Variants in CACNG1 observed in about 807,000 individuals in gnomAD.
CACNG1 encodes the protein calcium voltage-gated channel auxiliary subunit gamma 1.
In CACNG1, 21 loss-of-function variants were observed where a neutral mutation model predicts 22.0. The observed-to-expected ratio is 0.95, with a 90% CI of 0.68 to 1.37. The LOEUF is 1.37. CACNG1 is among the 40% of genes most tolerant of loss of function. CACNG1 has a pLI of 0.00. For synonymous variants in CACNG1, 127 were observed against 129.2 expected (o/e 0.98, Z 0.12); for missense variants, 291 against 308.6 (o/e 0.94, Z 0.43).
At chr17:67,053,272 C>T (rs549056187) in intron 1 of CACNG1, among the ~76,000 whole-genome samples, 76 of 152,332 alleles carry the variant, frequency 5.0e-4, no homozygotes, top group African/African-American at 1.8e-3. Context: ...GGAAAAAGCC[C>T]TTTGCAGGGC....
rs544776088 is a variant in CACNG1, at chr17:67,054,779, GAC to G, written c.305-316_305-315del. Among the ~76,000 whole-genome samples the G allele has an allele frequency of 7.3e-4, 109 of 149,406 alleles. No homozygotes were observed. The highest frequency in any genetic ancestry group is 2.4e-3 in the African/African-American group (97 of 40,422). ...GATGACACACAAAATGACACACAGT[GAC>G]ACACACAGACACACACTGACACACA... is the stretch of plus-strand genomic sequence containing the variant. On this transcript the variant is annotated intron_variant, in intron 2 of 3. Coordinates refer to ENST00000226021, the MANE Select transcript of CACNG1 (RefSeq NM_000727.4). The surrounding 1 kb of genome is among the most constrained non-coding windows in gnomAD (Gnocchi z 4.6).
At chr17:67,053,969 A>G in intron 1 of CACNG1, 27 bp from the exon 2 acceptor site, 2 of 1,597,586 alleles carry the variant, frequency 1.3e-6, no homozygotes, top group East Asian at 2.2e-5. Flanking sequence ...GCTCCCCTCA[A>G]CTCACAGTCT....
rs1282844368 is a variant in CACNG1 at position 67,054,313 on chromosome 17, C to A, written c.304+243C>A. Among the ~76,000 whole-genome samples the A allele has an allele frequency of 6.6e-6, 1 of 152,184 alleles. No individual in the cohort carries two copies. The highest frequency in any genetic ancestry group is 1.5e-5 in the Non-Finnish European group (1 of 68,036). ...CAGGGAGCGTTTGCAGAAGCAGCACCTCCTGGTAGGCCCCTACACAAGGGC... is the reference window on the plus strand; with the variant it reads ...CAGGGAGCGTTTGCAGAAGCAGCACATCCTGGTAGGCCCCTACACAAGGGC... On this transcript the variant is annotated intron_variant, in intron 2 of 3. Coordinates refer to ENST00000226021, the MANE Select transcript of CACNG1 (RefSeq NM_000727.4). The surrounding 1 kb of genome is among the most constrained non-coding windows in gnomAD (Gnocchi z 4.6).
chr17:67,044,862 A>G lies in CACNG1; in HGVS notation c.202A>G (p.Thr68Ala), dbSNP rs1294475480. Residue 68 changes from threonine (T) to alanine (A), a missense_variant, in exon 1 of 4, where the codon ACC becomes GCC. Coordinates refer to ENST00000226021, the MANE Select transcript of CACNG1 (RefSeq NM_000727.4). The surrounding 1 kb of genome is among the most constrained non-coding windows in gnomAD (Gnocchi z 6.9). ...GCGCATCCCCATGGACGACAGCAAG[A>G]CCTGCGGGCCCATCACCCTGCCCGG... ...TKRIPMDDSKTCGPITLPGEK... is the reference protein window; with the variant it reads ...TKRIPMDDSKACGPITLPGEK... The G allele has an allele frequency of 6.2e-7, 1 of 1,612,982 alleles. No individual in the cohort carries two copies. The highest frequency in any genetic ancestry group is 1.1e-5 in the South Asian group (1 of 91,072).
In CACNG1 at chr17:67,044,798, C is replaced by G. The variant is rs140686694; in HGVS notation, c.138C>G (p.Cys46Trp). The change falls in exon 1 of 4, where the codon TGC becomes TGG. Residue 46 changes from cysteine to tryptophan, a missense_variant. Transcript: ENST00000226021. This position sits in a 1 kb window ranked among gnomAD's most constrained non-coding sequence, Gnocchi z 6.9. ...ACATGGAGCACCACAACACTACCTG[C>G]GAGGCGGCCCACTTCGGCCTCTGGC... The part of the protein sequence containing the change: ...SPHMEHHNTT[C>W]EAAHFGLWRI... 6.2e-7 allele frequency: 1 copy of G among 1,613,306 alleles called. No homozygotes were observed. The highest frequency in any genetic ancestry group is 8.5e-7 in the Non-Finnish European group (1 of 1,180,036).
intron 1 of CACNG1, among the ~76,000 whole-genome samples, 192 bp from the exon 2 acceptor site, chr17:67,053,804 C>T (rs1183567766): frequency 1.3e-5 from 2 of 152,204 alleles, no homozygotes; most frequent in African/African-American, 2.4e-5. Flanking sequence ...CTGCAGGCAA[C>T]CTCATTATCC....
intron 1 of CACNG1, among the ~76,000 whole-genome samples, chr17:67,045,617 G>C (rs898206009): frequency 6.6e-6 from 1 of 150,432 alleles, no homozygotes; most frequent in Non-Finnish European, 1.5e-5. Flanking sequence ...CTGCCTCCTG[G>C]ACTCAAGCGA....
At position 67,044,912 on chromosome 17, in the gene CACNG1, C is replaced by A; in HGVS notation, c.229+23C>A. 1 of 1,566,406 alleles carries A rather than the reference C, an allele frequency of 6.4e-7. No homozygotes were observed. The highest frequency in any genetic ancestry group is 2.3e-5 in the East Asian group (1 of 43,978). On this transcript the variant is annotated intron_variant, in intron 1 of 3. Coordinates refer to ENST00000226021, the MANE Select transcript of CACNG1 (RefSeq NM_000727.4). The surrounding 1 kb of genome is among the most constrained non-coding windows in gnomAD (Gnocchi z 6.9). ...GGGGTAACGTACCCACCCTCCGTCC[C>A]GATCCCCACCTCCTGCTCTTCCCCG...
rs992192965 is a variant in CACNG1 at position 67,054,764 on chromosome 17, A to C, written c.305-339A>C. On this transcript the variant is annotated intron_variant, in intron 2 of 3. Coordinates refer to ENST00000226021, the MANE Select transcript of CACNG1 (RefSeq NM_000727.4). This position sits in a 1 kb window ranked among gnomAD's most constrained non-coding sequence, Gnocchi z 4.6. ...CTGATACACATGCATGATGACACAC[A>C]AAATGACACACAGTGACACACACAG... Among the ~76,000 whole-genome samples the C allele has an allele frequency of 1.3e-5, 2 of 151,470 alleles. No individual in the cohort carries two copies. Among genetic ancestry groups the C allele is most frequent in the African/African-American group, 4.9e-5 (2 of 41,172 alleles).
rs748034363 is a variant in CACNG1, at chr17:67,044,934, C to T, written c.229+45C>T. 9.4e-6 allele frequency: 14 copies of T among 1,487,878 alleles called. No homozygotes were observed. Among genetic ancestry groups the T allele is most frequent in the East Asian group, 4.7e-5 (2 of 42,470 alleles). 92.2% of individuals were successfully genotyped at this position (1,487,878 alleles called of 1,614,324 possible). ...TCCCGATCCCCACCTCCTGCTCTTC[C>T]CCGTCATCCCCCTGGCAAAGTTGCC... On this transcript the variant is annotated intron_variant, in intron 1 of 3. Transcript: ENST00000226021. The surrounding 1 kb of genome is among the most constrained non-coding windows in gnomAD (Gnocchi z 6.9).
Position 67,044,904 on chromosome 17 carries a change from C to T in CACNG1, c.229+15C>T, listed in dbSNP as rs753186935. Reference sequence around the variant, plus strand: ...CCTGCCCGGGGGTAACGTACCCACCCTCCGTCCCGATCCCCACCTCCTGCT... The same window carrying T: ...CCTGCCCGGGGGTAACGTACCCACCTTCCGTCCCGATCCCCACCTCCTGCT... On this transcript the variant is annotated intron_variant, in intron 1 of 3. Coordinates refer to ENST00000226021, the MANE Select transcript of CACNG1 (RefSeq NM_000727.4). This position sits in a 1 kb window ranked among gnomAD's most constrained non-coding sequence, Gnocchi z 6.9. 6 of 1,593,844 alleles carry T rather than the reference C, an allele frequency of 3.8e-6. No homozygotes were observed. In the South Asian group the frequency reaches 5.5e-5, roughly 15 times the overall value.
At chr17:67,053,899 C>T (rs1022665761) in intron 1 of CACNG1, 97 bp from the exon 2 acceptor site, 5 of 850,754 alleles carry the variant, frequency 5.9e-6, no homozygotes, top group Admixed American at 3.5e-5. Context: ...CCAGAGCCCC[C>T]TGCATGCCGA....
chr17:67,052,779 C>CTT (rs923163725), intron 1 of CACNG1, among the ~76,000 whole-genome samples: 2 of 143,450 alleles, frequency 1.4e-5, no homozygotes, highest in African/African-American at 2.5e-5. Context: ...TAAGACTGTG[C>CTT]TTTTTTTTTT....
chr17:67,051,000 C>T (rs988604308), intron 1 of CACNG1, among the ~76,000 whole-genome samples: 7 of 152,144 alleles, frequency 4.6e-5, no homozygotes, highest in Non-Finnish European at 8.8e-5. Flanking sequence ...CTGACTTAGT[C>T]GGAAGCAAAG....
chr17:67,055,365 A>G lies in CACNG1; in HGVS notation c.442+125A>G. The G allele has an allele frequency of 8.5e-7, 1 of 1,174,764 alleles. No homozygotes were observed. 72.8% of individuals were successfully genotyped at this position (1,174,764 alleles called of 1,614,324 possible). A position where few individuals can be genotyped will look rare whatever the true frequency, so the allele number is the denominator to read the frequency against. ...CATTTCCCAGGCTCCATCCCCATCC[A>G]GGGGCAAACCTGGCCAGGCCATCAG... is the stretch of plus-strand genomic sequence containing the variant. On this transcript the variant is annotated intron_variant, in intron 3 of 3. Transcript: ENST00000226021. This position sits in a 1 kb window ranked among gnomAD's most constrained non-coding sequence, Gnocchi z 4.5.
intron 1 of CACNG1, among the ~76,000 whole-genome samples, chr17:67,050,487 G>C (rs1448797834): frequency 6.6e-6 from 1 of 152,252 alleles, no homozygotes; most frequent in Non-Finnish European, 1.5e-5. Flanking sequence ...ATCAATGCAA[G>C]TTAGAGGCTT....
intron 1 of CACNG1, among the ~76,000 whole-genome samples, chr17:67,045,762 A>C (rs1051133865): frequency 1.3e-5 from 2 of 151,840 alleles, no homozygotes; most frequent in African/African-American, 2.4e-5. Context: ...ACCTCAGGTG[A>C]TCCACCTGCC....
chr17:67,052,077 T>C (rs1174760743), intron 1 of CACNG1, among the ~76,000 whole-genome samples: 1 of 152,220 alleles, frequency 6.6e-6, no homozygotes, highest in African/African-American at 2.4e-5. Flanking sequence ...TGACATAGCA[T>C]GGGCCATTTT....
At position 67,056,560 on chromosome 17, in the gene CACNG1, C is replaced by G; in HGVS notation, c.*289C>G. On this transcript the variant is annotated 3_prime_UTR_variant, in exon 4 of 4. Coordinates refer to ENST00000226021, the MANE Select transcript of CACNG1 (RefSeq NM_000727.4). The surrounding 1 kb of genome is among the most constrained non-coding windows in gnomAD (Gnocchi z 4.3). ...AACTTCCCCTGGAGCTCAGAGGTGT[C>G]CCCACTGTACCAGCCTCTGATAAGC... 2.1e-6 allele frequency: 1 copy of G among 486,360 alleles called. No individual in the cohort carries two copies. Among genetic ancestry groups the G allele is most frequent in the Non-Finnish European group, 3.7e-6 (1 of 267,246 alleles). The allele number at this position is 486,360 out of a possible 1,614,324, so 30.1% of individuals were successfully genotyped here. A position where few individuals can be genotyped will look rare whatever the true frequency, so the allele number is the denominator to read the frequency against.
Sources: allele counts gnomAD v4.1 joint callset (sites outside exome capture counted in the v4.1 genomes callset), GRCh38; gene constraint gnomAD v4.1.1; non-coding constraint Gnocchi (gnomAD v3.1); transcripts MANE v1.5; gene names NCBI Gene and HGNC (gene_info 2026-07-23, HGNC 2026-07-21).